PCDHA9: variants seen among roughly 807,000 people sequenced by gnomAD.
The protein encoded by PCDHA9 is protocadherin alpha-9.
PCDHA9 carries 62 observed loss-of-function variants against 62.0 expected under a neutral mutation model. The ratio of observed to expected loss-of-function variants is 1.00; its 90% confidence interval spans 0.81 to 1.23. The LOEUF is 1.23. PCDHA9 is among the 50% of genes most tolerant of loss of function. The pLI, the probability that PCDHA9 is intolerant of heterozygous loss-of-function variation, is 0.00. For missense variants in PCDHA9, 1,205 were observed against 1,249.8 expected (o/e 0.96, Z 0.54); for synonymous variants, 557 against 567.6 (o/e 0.98, Z 0.27).
chr5:140,965,174 CT>C (rs1213439654), intron 1 of PCDHA9, among the ~76,000 whole-genome samples: 1 of 152,110 alleles, frequency 6.6e-6, no homozygotes, highest in East Asian at 1.9e-4. Context: ...TTAGTGAGTG[CT>C]TTTTTTGCAC....
rs1781486578 is a variant in PCDHA9, at chr5:140,848,384, T to G, written c.-112T>G. Reference sequence around the variant, plus strand: ...GGAAAGAGGCTCAATTCTTTTTCACTCTCTCTGTGCTGAACGATGGCGAAC... The same window carrying G: ...GGAAAGAGGCTCAATTCTTTTTCACGCTCTCTGTGCTGAACGATGGCGAAC... On this transcript the variant is annotated 5_prime_UTR_variant, in exon 1 of 4. Transcript: ENST00000532602. 4 of 1,203,868 alleles carry G rather than the reference T, an allele frequency of 3.3e-6. No homozygotes were observed. In the East Asian group the frequency reaches 9.3e-5, roughly 28 times the overall value. The allele number at this position is 1,203,868 out of a possible 1,614,324, so 74.6% of individuals were successfully genotyped here. A position where few individuals can be genotyped will look rare whatever the true frequency, so the allele number is the denominator to read the frequency against.
In PCDHA9 at chr5:140,967,673, C is replaced by T. The variant is rs1563368144; in HGVS notation, c.2395-11276C>T. On this transcript the variant is annotated intron_variant, in intron 1 of 3. Transcript: ENST00000532602. ...CTCCTTGAGCAGCTACACGTCGGAC[C>T]GGGAGAGGCAGCTCTTCAGCATAGA... The T allele has an allele frequency of 2.5e-6, 4 of 1,614,130 alleles. No homozygotes were observed. In the East Asian group the frequency reaches 6.7e-5, roughly 27 times the overall value.
rs1554262808 is a variant in PCDHA9, at chr5:141,010,232, A to T, written c.*295A>T. On this transcript the variant is annotated 3_prime_UTR_variant, in exon 4 of 4. Coordinates refer to ENST00000532602, the MANE Select transcript of PCDHA9 (RefSeq NM_031857.2). ...AAAGGAGAGGCTTCCCAGCCCCGCC[A>T]GTGAGAGGTTGGACTCTCTGCCCTG... 6.4e-7 allele frequency: 1 copy of T among 1,551,952 alleles called. No homozygotes were observed. The highest frequency in any genetic ancestry group is 2.0e-5 in the Admixed American group (1 of 51,018).
At chr5:140,926,738 G>T in intron 1 of PCDHA9, 1 of 1,162,106 alleles carries the variant, frequency 8.6e-7, no homozygotes, top group Non-Finnish European at 1.1e-6. Context: ...TTCGGGAGGC[G>T]CAACGTCGGC....
intron 1 of PCDHA9, among the ~76,000 whole-genome samples, chr5:140,894,265 C>A (rs1328152615): frequency 6.6e-6 from 1 of 151,796 alleles, no homozygotes; most frequent in East Asian, 1.9e-4. Context: ...CAAGTGGTAG[C>A]TTATTTACAA....
At chr5:140,880,214 A>C (rs2058267657) in intron 1 of PCDHA9, among the ~76,000 whole-genome samples, 1 of 152,224 alleles carries the variant, frequency 6.6e-6, no homozygotes, top group African/African-American at 2.4e-5. Flanking sequence ...TTCCACCAGA[A>C]GTAGAACATT....
intron 1 of PCDHA9, among the ~76,000 whole-genome samples, chr5:140,964,573 G>A (rs191009049): frequency 3.0e-4 from 45 of 152,274 alleles, no homozygotes; most frequent in African/African-American, 1.9e-4. Flanking sequence ...GAGGAGATAA[G>A]GGGAGGAAAG....
chr5:140,863,840 G>T (rs2048198603), intron 1 of PCDHA9: 1 of 181,960 alleles, frequency 5.5e-6, no homozygotes, highest in Admixed American at 5.3e-5. Flanking sequence ...CTCTACTAAA[G>T]ATATAAAAAA....
Position 140,882,649 on chromosome 5 carries a change from C to G in PCDHA9, c.2394+31760C>G, listed in dbSNP as rs559940161. The G allele has an allele frequency of 3.7e-6, 6 of 1,614,096 alleles. No homozygotes were observed. In the Admixed American group the frequency reaches 1.0e-4, roughly 27 times the overall value. On this transcript the variant is annotated intron_variant, in intron 1 of 3. Coordinates refer to ENST00000532602, the MANE Select transcript of PCDHA9 (RefSeq NM_031857.2). ...TGGAGGTGAAGGTGAGGGACATTAACGACAACCCGCCCATATTCCCTGAAA... is the reference window on the plus strand; with the variant it reads ...TGGAGGTGAAGGTGAGGGACATTAAGGACAACCCGCCCATATTCCCTGAAA...
At chr5:140,866,812 C>A (rs1172521123) in intron 1 of PCDHA9, 1 of 152,120 alleles carries the variant, frequency 6.6e-6, no homozygotes, top group Non-Finnish European at 1.5e-5. Context: ...CACAAAGTTC[C>A]TTAATCTTCA....
rs189155751 is a variant in PCDHA9 at position 140,943,432 on chromosome 5, T to C, written c.2395-35517T>C. 2.8e-3 allele frequency among the ~76,000 whole-genome samples: 419 copies of C among 152,174 alleles called. 2 individuals carry two copies. The highest frequency in any genetic ancestry group is 0.014 in the Middle Eastern group (4 of 294). Reference sequence around the variant, plus strand: ...ACTAGAGGCAAGGGCTTTAATATGATATAAAGGATAGAATTGATAAGGCTA... The same window carrying C: ...ACTAGAGGCAAGGGCTTTAATATGACATAAAGGATAGAATTGATAAGGCTA... On this transcript the variant is annotated intron_variant, in intron 1 of 3. Coordinates refer to ENST00000532602, the MANE Select transcript of PCDHA9 (RefSeq NM_031857.2).
intron 1 of PCDHA9, chr5:140,857,366 G>C: frequency 2.5e-6 from 4 of 1,598,350 alleles, no homozygotes; most frequent in Non-Finnish European, 3.4e-6. Flanking sequence ...CACGGCCAGC[G>C]TGTCTGTGGA....
chr5:140,980,824 A>G (rs2096907010), intron 2 of PCDHA9, among the ~76,000 whole-genome samples: 1 of 152,192 alleles, frequency 6.6e-6, no homozygotes, highest in Non-Finnish European at 1.5e-5. Flanking sequence ...ATATTAAATG[A>G]GTTGTGAACC....
intron 1 of PCDHA9, chr5:140,871,394 C>G (rs782179742): frequency 6.2e-7 from 1 of 1,614,042 alleles, no homozygotes; most frequent in Admixed American, 1.7e-5. Context: ...GAGGGCCCAC[C>G]TAAGACGGAC....
chr5:140,922,207 T>C (rs1208986922), intron 1 of PCDHA9, among the ~76,000 whole-genome samples: 3 of 152,162 alleles, frequency 2.0e-5, no homozygotes, highest in Non-Finnish European at 2.9e-5. Context: ...AATGAAACTT[T>C]GTAAAACATT....
intron 1 of PCDHA9, among the ~76,000 whole-genome samples, chr5:140,938,547 C>CTTTTA (rs59072362): frequency 0.32 from 48,749 of 151,290 alleles, 8,071 homozygotes; most frequent in East Asian, 0.53. Flanking sequence ...GATTTTTATC[C>CTTTTA]TTTTATTAAT....
In PCDHA9 at chr5:140,927,075, C is replaced by T. The variant is rs1304732952; in HGVS notation, c.2395-51874C>T. On this transcript the variant is annotated intron_variant, in intron 1 of 3. Transcript: ENST00000532602. ...GGAACTTTCGCTTCCTTTCCAGCCA[C>T]CGCGAGCTCTACTTCGGGGTGGATC... 2.5e-6 allele frequency: 4 copies of T among 1,611,188 alleles called. No homozygotes were observed. In the Admixed American group the frequency reaches 5.0e-5, roughly 20 times the overall value.
At chr5:140,931,373 C>T (rs1290408788) in intron 1 of PCDHA9, among the ~76,000 whole-genome samples, 1 of 151,646 alleles carries the variant, frequency 6.6e-6, no homozygotes, top group Non-Finnish European at 1.5e-5. Context: ...TTTCACTAGA[C>T]TAGAAAGGAA....
intron 1 of PCDHA9, chr5:140,861,770 C>T (rs2047074115): frequency 6.2e-6 from 1 of 161,486 alleles, no homozygotes; most frequent in African/African-American, 2.4e-5. Flanking sequence ...CCTGGAAATA[C>T]CAAGAGCAGG....
Sources: allele counts gnomAD v4.1 joint callset (sites outside exome capture counted in the v4.1 genomes callset), GRCh38; gene constraint gnomAD v4.1.1; transcripts MANE v1.5; gene names NCBI Gene and HGNC (gene_info 2026-07-23, HGNC 2026-07-21).